Variants in ZC3HAV1 observed in about 807,000 individuals in gnomAD.
ZC3HAV1 encodes zinc finger CCCH-type containing, antiviral 1.
In ZC3HAV1, 41 loss-of-function variants were observed where a neutral mutation model predicts 86.6. The observed-to-expected ratio is 0.47, with a 90% confidence interval of 0.37 to 0.61. ZC3HAV1 has a LOEUF of 0.61. ZC3HAV1 is among the 20% of genes least tolerant of loss of function. The pLI is 0.00. For synonymous variants in ZC3HAV1, 421 were observed against 432.1 expected (o/e 0.97, Z 0.32); for missense variants, 964 against 1,141.1 (o/e 0.84, Z 2.24).
intron 7 of ZC3HAV1, among the ~76,000 whole-genome samples, chr7:139,070,101 T>C (rs971447557): frequency 1.3e-5 from 1 of 78,234 alleles, no homozygotes; most frequent in South Asian, 3.3e-4. Context: ...TTTTCCTTAT[T>C]TTTTTTTTTA....
chr7:139,074,042 A>G lies in ZC3HAV1; in HGVS notation c.1698-12T>C. On this transcript the variant is annotated splice_polypyrimidine_tract_variant and intron_variant, in intron 6 of 12. Transcript: ENST00000242351. ...TTCCTACAGAACAGCTGAGAGAGAA[A>G]AGTATTAAGTTAACATAATGCTTCA... 6.2e-7 allele frequency: 1 copy of G among 1,607,164 alleles called. No individual in the cohort carries two copies. Among genetic ancestry groups the G allele is most frequent in the Non-Finnish European group, 8.5e-7 (1 of 1,175,624 alleles).
intron 8 of ZC3HAV1, among the ~76,000 whole-genome samples, chr7:139,061,525 T>C (rs1236830848): frequency 6.6e-6 from 1 of 152,182 alleles, no homozygotes; most frequent in Non-Finnish European, 1.5e-5. Context: ...ACATCAAGTG[T>C]GAAATATCAT....
At position 139,047,189 on chromosome 7, in the gene ZC3HAV1, C is replaced by T. The variant is rs565696456; in HGVS notation, c.*405G>A. 71 of 221,522 alleles carry T rather than the reference C, an allele frequency of 3.2e-4. 2 individuals carry two copies. The highest frequency in any genetic ancestry group is 2.4e-3 in the South Asian group (43 of 17,740). 13.7% of individuals were successfully genotyped at this position (221,522 alleles called of 1,614,324 possible). A position where few individuals can be genotyped will look rare whatever the true frequency, so the allele number is the denominator to read the frequency against. ...TAAAAAATACAAAAAATTAGCTGGG[C>T]GCGGCAGTGTGTGCCTGTAGTTCCA... On this transcript the variant is annotated 3_prime_UTR_variant, in exon 13 of 13. Transcript: ENST00000242351.
chr7:139,072,992 T>C (rs984649646), intron 7 of ZC3HAV1, among the ~76,000 whole-genome samples: 25 of 152,132 alleles, frequency 1.6e-4, no homozygotes, highest in Non-Finnish European at 2.1e-4. Flanking sequence ...CTCAAGCGGT[T>C]CCTTAAAAAT....
chr7:139,098,822 G>C (rs951311053), intron 1 of ZC3HAV1, among the ~76,000 whole-genome samples: 1 of 152,074 alleles, frequency 6.6e-6, no homozygotes, highest in African/African-American at 2.4e-5. Flanking sequence ...GAAATCCTAG[G>C]TGCTCCTGAA....
chr7:139,078,546 A>T lies in ZC3HAV1; in HGVS notation c.1573+6T>A. On this transcript the variant is annotated splice_donor_region_variant and intron_variant, in intron 5 of 12. Coordinates refer to ENST00000242351, the MANE Select transcript of ZC3HAV1 (RefSeq NM_020119.4). ...AAGCTTACAGAAAAGTCCTTAGGTT[A>T]CTCACCATTAAGCGGACAACCCTTA... 6.3e-7 allele frequency: 1 copy of T among 1,588,946 alleles called. No individual in the cohort carries two copies. The highest frequency in any genetic ancestry group is 2.3e-5 in the East Asian group (1 of 44,154).
chr7:139,053,277 T>G (rs1358073369), intron 12 of ZC3HAV1, among the ~76,000 whole-genome samples, 174 bp downstream of exon 12: 1 of 152,212 alleles, frequency 6.6e-6, no homozygotes, highest in East Asian at 1.9e-4. Context: ...CCAAGTCAAC[T>G]GATTCACTCT....
chr7:139,071,965 T>C (rs956655508), intron 7 of ZC3HAV1, among the ~76,000 whole-genome samples: 1 of 152,210 alleles, frequency 6.6e-6, no homozygotes, highest in African/African-American at 2.4e-5. Context: ...GGAGGTGTTT[T>C]TCTCAGGCCT....
At chr7:139,065,067 T>G (rs1816558332) in intron 7 of ZC3HAV1, 68 bp from the exon 8 acceptor site, 2 of 1,594,360 alleles carry the variant, frequency 1.3e-6, no homozygotes, top group Non-Finnish European at 8.6e-7. Context: ...GTTATATGAT[T>G]TCGTTTTAGC....
chr7:139,079,181 GC>G (rs1441246288), intron 4 of ZC3HAV1: 6 of 1,536,184 alleles, frequency 3.9e-6, no homozygotes, highest in Non-Finnish European at 5.2e-6. Context: ...CTGCCCTTGG[GC>G]CCCCCAGACT....
At chr7:139,077,218 T>C (rs895297123) in intron 5 of ZC3HAV1, among the ~76,000 whole-genome samples, 4 of 152,180 alleles carry the variant, frequency 2.6e-5, no homozygotes, top group African/African-American at 9.7e-5. Flanking sequence ...CACGCAGTTT[T>C]CCCATTTGCA....
chr7:139,078,257 A>G (rs1817012924), intron 5 of ZC3HAV1, among the ~76,000 whole-genome samples: 1 of 152,186 alleles, frequency 6.6e-6, no homozygotes, highest in Non-Finnish European at 1.5e-5. Flanking sequence ...CAAACAAAAA[A>G]GGCAAACAAA....
In ZC3HAV1 at chr7:139,045,487, T is replaced by A. The variant is rs958492518; in HGVS notation, c.*2107A>T. 7 of 152,110 alleles carry A rather than the reference T, an allele frequency of 4.6e-5. No homozygotes were observed. Among genetic ancestry groups the A allele is most frequent in the African/African-American group, 1.4e-4 (6 of 41,406 alleles). 9.4% of individuals were successfully genotyped at this position (152,110 alleles called of 1,614,324 possible). ...TCTGAAGAAAACACAGCAAACAACT[T>A]AGAAGGGAACAGAGATATTTAAGAG... On this transcript the variant is annotated 3_prime_UTR_variant, in exon 13 of 13. Transcript: ENST00000242351.
intron 1 of ZC3HAV1, among the ~76,000 whole-genome samples, chr7:139,097,676 C>T (rs929628783): frequency 6.6e-6 from 1 of 151,296 alleles, no homozygotes; most frequent in Non-Finnish European, 1.5e-5. Flanking sequence ...CCTCGTGATC[C>T]GCTCGCCTCG....
intron 7 of ZC3HAV1, among the ~76,000 whole-genome samples, chr7:139,070,922 C>T (rs1816755321): frequency 6.6e-6 from 1 of 151,338 alleles, no homozygotes; most frequent in South Asian, 2.1e-4. Context: ...GCAGAGGCTG[C>T]AGTGAGCCGA....
intron 9 of ZC3HAV1, among the ~76,000 whole-genome samples, chr7:139,059,337 C>T (rs1246939191): frequency 2.0e-5 from 3 of 152,210 alleles, no homozygotes; most frequent in Admixed American, 6.5e-5. Flanking sequence ...CAGGAAGGGG[C>T]CAAGTGCAGT....
intron 6 of ZC3HAV1, 91 bp from the exon 7 acceptor site, chr7:139,074,121 C>T: frequency 3.1e-6 from 4 of 1,272,316 alleles, no homozygotes; most frequent in Non-Finnish European, 4.3e-6. Flanking sequence ...CAGAATTAAA[C>T]TTTCAGGGCT....
At chr7:139,064,814 A>C in intron 8 of ZC3HAV1, 65 bp downstream of exon 8, 2 of 1,611,808 alleles carry the variant, frequency 1.2e-6, no homozygotes, top group South Asian at 1.1e-5. Context: ...CTCTGCTCCC[A>C]CTCCCACGTG....
chr7:139,078,709 A>G, intron 4 of ZC3HAV1, 56 bp from the exon 5 acceptor site: 1 of 1,288,098 alleles, frequency 7.8e-7, no homozygotes, highest in Non-Finnish European at 1.1e-6. Flanking sequence ...ACCAAAAATC[A>G]AAGCACTTGG....
Sources: gnomAD v4.1 joint callset for allele counts (sites outside exome capture counted in the v4.1 genomes callset) on GRCh38, gnomAD v4.1.1 for gene constraint, MANE v1.5 for transcripts, NCBI Gene and HGNC (gene_info 2026-07-23, HGNC 2026-07-21) for gene names.